The following MYO15B variants were observed in gnomAD, a reference collection of about 807,000 sequenced individuals.
MYO15B encodes the protein myosin XVB, also known as myosin XVB pseudogene.
A neutral mutation model predicts 119.3 loss-of-function variants in MYO15B; 207 were observed. The observed-to-expected ratio is 1.73, with a 90% confidence interval of 1.55 to 1.95. The LOEUF (loss-of-function observed/expected upper bound fraction) is 1.95. MYO15B is among the 30% of genes most tolerant of loss of function. MYO15B has a pLI of 0.00. For missense variants in MYO15B, 2,264 were observed against 1,203.1 expected (o/e 1.88, Z -13.04); for synonymous variants, 966 against 498.9 (o/e 1.94, Z -12.48).
exon 10 of MYO15B, chr17:75,594,506 G>T: frequency 1.6e-6 from 1 of 613,112 alleles, no homozygotes; most frequent in East Asian, 2.7e-5. Context: ...GCTGTGTCTA[G>T]CTGGGCTGAG....
At chr17:75,626,409 C>T (rs1286239322) in exon 64 of MYO15B, 2 of 703,168 alleles carry the variant, frequency 2.8e-6, no homozygotes, top group Middle Eastern at 2.3e-4. Flanking sequence ...CTGGGCAGGC[C>T]CAGGAGCTGC....
intron 25 of MYO15B, 65 bp from the exon 26 acceptor site, chr17:75,612,733 G>C: frequency 2.9e-6 from 2 of 698,172 alleles, no homozygotes; most frequent in Admixed American, 2.1e-5. Context: ...TGCCTGCTCC[G>C]GTGGGGCTCC....
intron 16 of MYO15B, 35 bp downstream of exon 16, chr17:75,602,629 C>T (rs925617030): frequency 7.8e-6 from 5 of 639,816 alleles, no homozygotes; most frequent in African/African-American, 3.6e-5. Flanking sequence ...CCACCCGCTC[C>T]ATACTCTGTC....
At chr17:75,620,518 T>C (rs1448612261) in exon 49 of MYO15B, 2 of 702,772 alleles carry the variant, frequency 2.8e-6, no homozygotes, top group East Asian at 2.7e-5. Context: ...CCTGCCGACA[T>C]AGTGCAGCCG....
rs954122560 is a variant in MYO15B at position 75,601,378 on chromosome 17, C to T, written c.3526-60C>T. The T allele has an allele frequency of 1.7e-5, 12 of 690,918 alleles. No homozygotes were observed. In the African/African-American group the frequency reaches 1.8e-4, roughly 10 times the overall value. The allele number at this position is 690,918 out of a possible 1,614,324, so 42.8% of individuals were successfully genotyped here. ...AGTACTCGTGCTCACCGGGAGAGGG[C>T]GCCATCCAGAAGGACAGCCTGTGCA... On this transcript the variant is annotated intron_variant, in intron 14 of 63. Transcript: ENST00000645453.
intron 52 of MYO15B, 26 bp downstream of exon 52, chr17:75,621,596 C>A: frequency 1.4e-6 from 1 of 698,604 alleles, no homozygotes; most frequent in South Asian, 1.5e-5. Flanking sequence ...CATCCTGGGT[C>A]CCCATGTCTG....
intron 29 of MYO15B, 77 bp downstream of exon 29, chr17:75,613,854 T>C: frequency 1.6e-6 from 1 of 630,348 alleles, no homozygotes; most frequent in Non-Finnish European, 2.9e-6. Flanking sequence ...CCAAGCCCAG[T>C]CTCAGGGGCC....
At chr17:75,623,038 CA>C (rs199574962) in intron 53 of MYO15B, among the ~76,000 whole-genome samples, 13,148 of 145,526 alleles carry the variant, frequency 0.09, 738 homozygotes, top group African/African-American at 0.18. Context: ...AGTAAGAGAT[CA>C]GAGAAGCAGG....
At position 75,602,600 on chromosome 17, in the gene MYO15B, C is replaced by T. The variant is rs775664086; in HGVS notation, c.3729+6C>T. 26 of 665,154 alleles carry T rather than the reference C, an allele frequency of 3.9e-5. No individual in the cohort carries two copies. Among genetic ancestry groups the T allele is most frequent in the Non-Finnish European group, 6.6e-5 (24 of 365,302 alleles). The allele number at this position is 665,154 out of a possible 1,614,324, so 41.2% of individuals were successfully genotyped here. A position where few individuals can be genotyped will look rare whatever the true frequency, so the allele number is the denominator to read the frequency against. On this transcript the variant is annotated splice_donor_region_variant and intron_variant, in intron 16 of 63. Transcript: ENST00000645453. ...TTGGCCAGAGCCAGCTCCAGGTGCCCATCTGCCCTTCCAGGCCCCCACCCG... is the reference window on the plus strand; with the variant it reads ...TTGGCCAGAGCCAGCTCCAGGTGCCTATCTGCCCTTCCAGGCCCCCACCCG...
chr17:75,613,869 G>T, intron 29 of MYO15B, 92 bp downstream of exon 29: 1 of 622,770 alleles, frequency 1.6e-6, no homozygotes, highest in Non-Finnish European at 2.9e-6. Flanking sequence ...GGGGCCGGGA[G>T]GAGAGGTGCC....
chr17:75,605,705 G>A (rs2057600032), intron 20 of MYO15B, 84 bp downstream of exon 20: 1 of 680,722 alleles, frequency 1.5e-6, no homozygotes, highest in Admixed American at 2.1e-5. Flanking sequence ...ACAAACCCAG[G>A]ATTTGGGGAT....
chr17:75,611,616 G>A, exon 24 of MYO15B: 1 of 702,818 alleles, frequency 1.4e-6, no homozygotes, highest in South Asian at 1.5e-5. Context: ...GGGGCGCTTG[G>A]AGATCCCGGC....
intron 48 of MYO15B, 28 bp from the exon 49 acceptor site, chr17:75,620,439 G>A (rs748006369): frequency 1.4e-6 from 1 of 702,584 alleles, no homozygotes; most frequent in Non-Finnish European, 2.6e-6. Flanking sequence ...GGTCCAGTGG[G>A]TGAGCCACAT....
intron 9 of MYO15B, chr17:75,593,064 A>C (rs780979614): frequency 2.4e-5 from 12 of 503,200 alleles, no homozygotes; most frequent in Non-Finnish European, 3.5e-5. Flanking sequence ...ATCTGGCATT[A>C]GATGAGCAGC....
At chr17:75,622,019 T>C (rs1332795901) in exon 53 of MYO15B, 13 of 702,870 alleles carry the variant, frequency 1.8e-5, no homozygotes, top group South Asian at 1.8e-4. Flanking sequence ...ATGCGGTTTA[T>C]GGGTGACCAG....
At chr17:75,598,527 C>CAAAA (rs34267285) in intron 14 of MYO15B, among the ~76,000 whole-genome samples, 1 of 20,616 alleles carries the variant, frequency 4.9e-5, no homozygotes, top group African/African-American at 1.7e-4. Context: ...GACTCCATCT[C>CAAAA]AAAAAAAAAA....
exon 14 of MYO15B, chr17:75,596,773 G>C (rs1164026086): frequency 4.3e-6 from 3 of 698,262 alleles, no homozygotes; most frequent in Non-Finnish European, 7.8e-6. Flanking sequence ...CCCAGGAGGA[G>C]TGTCGGCGGG....
chr17:75,613,741 C>T (rs1027249339), exon 29 of MYO15B: 7 of 702,386 alleles, frequency 1.0e-5, no homozygotes, highest in Non-Finnish European at 1.8e-5. Context: ...TCTTGGACCA[C>T]CGGGGAGCAG....
At chr17:75,624,429 G>T in exon 57 of MYO15B, 1 of 702,598 alleles carries the variant, frequency 1.4e-6, no homozygotes, top group South Asian at 1.5e-5. Flanking sequence ...ATTATAGGAC[G>T]AATATCCAGA....
Sources: gnomAD v4.1 joint callset for allele counts (sites outside exome capture counted in the v4.1 genomes callset) on GRCh38, gnomAD v4.1.1 for gene constraint, MANE v1.5 for transcripts, NCBI Gene and HGNC (gene_info 2026-07-23, HGNC 2026-07-21) for gene names.